Variants in EHBP1 observed in about 807,000 individuals in gnomAD.
The protein encoded by EHBP1 is EH domain binding protein 1.
In EHBP1, 55 loss-of-function variants were observed where a neutral mutation model predicts 144.0. That is an observed-to-expected ratio of 0.38 (90% CI 0.31 to 0.48). The LOEUF is 0.48. EHBP1 is among the 20% of genes least tolerant of loss of function. The probability of loss-of-function intolerance (pLI) is 0.98; values close to 1 mark genes in which losing one functional copy is unlikely to be tolerated. For missense variants in EHBP1, 1,200 were observed against 1,364.2 expected, an observed-to-expected ratio of 0.88 and a Z score of 1.90; for synonymous variants, 469 against 472.7, an observed-to-expected ratio of 0.99 and a Z score of 0.10.
At chr2:63,020,065 C>A (rs2060662823) in intron 19 of EHBP1, among the ~76,000 whole-genome samples, 1 of 151,902 alleles carries the variant, frequency 6.6e-6, no homozygotes, top group Admixed American at 6.6e-5. Flanking sequence ...GTGGCTCATG[C>A]CTGTAATTCT....
intron 19 of EHBP1, among the ~76,000 whole-genome samples, chr2:63,035,625 A>G (rs1320693720): frequency 6.6e-6 from 1 of 152,058 alleles, no homozygotes; most frequent in Non-Finnish European, 1.5e-5. Context: ...TAATAAGTCT[A>G]TATTTTTAGA....
At chr2:62,943,902 C>A in intron 12 of EHBP1, 52 bp downstream of exon 12, 3 of 1,379,250 alleles carry the variant, frequency 2.2e-6, no homozygotes, top group Non-Finnish European at 3.1e-6. Context: ...GGCTTCTCTG[C>A]AGGTCTTTAT....
At chr2:63,020,612 G>C (rs922792468) in intron 19 of EHBP1, among the ~76,000 whole-genome samples, 2 of 151,964 alleles carry the variant, frequency 1.3e-5, no homozygotes, top group East Asian at 1.9e-4. Flanking sequence ...CACTCAATAC[G>C]ATAGTAGCTA....
At chr2:63,018,236 T>G (rs1388170532) in intron 19 of EHBP1, among the ~76,000 whole-genome samples, 2 of 152,340 alleles carry the variant, frequency 1.3e-5, no homozygotes, top group Non-Finnish European at 2.9e-5. Flanking sequence ...TTTTTCTACT[T>G]TCAATTTTAA....
At chr2:62,879,863 A>G (rs1381243644) in intron 10 of EHBP1, among the ~76,000 whole-genome samples, 1 of 152,170 alleles carries the variant, frequency 6.6e-6, no homozygotes, top group African/African-American at 2.4e-5. Flanking sequence ...AAACTATTCC[A>G]AAATTCATAT....
rs576621093 is a variant in EHBP1 at position 62,763,421 on chromosome 2, A to T, written c.163-845A>T. Reference sequence around the variant, plus strand: ...ATGAATGAATGAATAATAGAAGAACATCATAAGGTTCTTATGTAGATTAAA... The same window carrying T: ...ATGAATGAATGAATAATAGAAGAACTTCATAAGGTTCTTATGTAGATTAAA... On this transcript the variant is annotated intron_variant, in intron 3 of 22. Coordinates refer to ENST00000431489, the MANE Select transcript of EHBP1 (RefSeq NM_001142616.3). 7.2e-5 allele frequency among the ~76,000 whole-genome samples: 11 copies of T among 152,334 alleles called. No homozygotes were observed. In the South Asian group the frequency reaches 2.3e-3, roughly 32 times the overall value.
intron 10 of EHBP1, among the ~76,000 whole-genome samples, chr2:62,911,645 A>G (rs970669751): frequency 3.3e-5 from 5 of 152,098 alleles, no homozygotes; most frequent in African/African-American, 1.2e-4. Flanking sequence ...TATTTTTCAT[A>G]GAGACAGGGT....
chr2:62,886,262 A>T lies in EHBP1; in HGVS notation c.1185+11730A>T, dbSNP rs571717294. Reference sequence around the variant, plus strand: ...AATCAATGTGTTAATTTCCTATCATATGTAAATTGAAAATGTCAAACCTTT... The same window carrying T: ...AATCAATGTGTTAATTTCCTATCATTTGTAAATTGAAAATGTCAAACCTTT... On this transcript the variant is annotated intron_variant, in intron 10 of 22. Transcript: ENST00000431489. Among the ~76,000 whole-genome samples, 11 of 152,350 alleles carry T rather than the reference A, an allele frequency of 7.2e-5. No individual in the cohort carries two copies. The South Asian group carries it at 2.3e-3, about 32-fold the overall frequency.
intron 19 of EHBP1, among the ~76,000 whole-genome samples, chr2:63,013,817 A>G (rs903031192): frequency 6.6e-6 from 1 of 152,228 alleles, no homozygotes; most frequent in African/African-American, 2.4e-5. Flanking sequence ...GGGGTTGGGT[A>G]TGAACTTTTT....
chr2:62,733,960 TG>T (rs2037861698), intron 2 of EHBP1, among the ~76,000 whole-genome samples: 1 of 152,190 alleles, frequency 6.6e-6, no homozygotes, highest in Non-Finnish European at 1.5e-5. Flanking sequence ...ACTCCAGTTT[TG>T]GGGGTAGTGA....
At chr2:62,675,040 T>G (rs2033235555) in intron 1 of EHBP1, among the ~76,000 whole-genome samples, 2 of 152,134 alleles carry the variant, frequency 1.3e-5, no homozygotes, top group Non-Finnish European at 2.9e-5. Flanking sequence ...TTCAGTGGGA[T>G]GGAGAGAACT....
intron 8 of EHBP1, among the ~76,000 whole-genome samples, chr2:62,859,723 T>G (rs2049354028): frequency 6.6e-6 from 1 of 152,162 alleles, no homozygotes; most frequent in Admixed American, 6.5e-5. Flanking sequence ...TGTGAAAACA[T>G]GGAGCAGAGA....
chr2:63,043,758 T>C (rs1559110068), intron 21 of EHBP1, among the ~76,000 whole-genome samples: 1 of 151,620 alleles, frequency 6.6e-6, no homozygotes, highest in Non-Finnish European at 1.5e-5. Context: ...GCGGTGTGCA[T>C]TGTTAGGTTT....
At chr2:63,025,685 G>C (rs1427931088) in intron 19 of EHBP1, among the ~76,000 whole-genome samples, 1 of 152,154 alleles carries the variant, frequency 6.6e-6, no homozygotes, top group African/African-American at 2.4e-5. Context: ...GGGGTACCAT[G>C]ATATTCTTCA....
In EHBP1 at chr2:62,948,252, C is replaced by G; in HGVS notation, c.1414-8C>G. The G allele has an allele frequency of 6.5e-7, 1 of 1,533,700 alleles. No individual in the cohort carries two copies. The highest frequency in any genetic ancestry group is 8.8e-7 in the Non-Finnish European group (1 of 1,142,598). On this transcript the variant is annotated splice_region_variant and splice_polypyrimidine_tract_variant and intron_variant, in intron 12 of 22. Coordinates refer to ENST00000431489, the MANE Select transcript of EHBP1 (RefSeq NM_001142616.3). ...TCAATATATCTTTTGTTTTTCCTTC[C>G]TTTGAAGGCATACGATGGATTTGCC...
At chr2:62,814,863 C>T (rs915865933) in intron 5 of EHBP1, among the ~76,000 whole-genome samples, 2 of 152,116 alleles carry the variant, frequency 1.3e-5, no homozygotes, top group African/African-American at 4.8e-5. Flanking sequence ...TAAAAATGCT[C>T]AGTTCTGTTC....
At chr2:62,877,414 C>T (rs567237763) in intron 10 of EHBP1, among the ~76,000 whole-genome samples, 1 of 152,244 alleles carries the variant, frequency 6.6e-6, no homozygotes, top group African/African-American at 2.4e-5. Context: ...GCCTTCAACA[C>T]CCCACTGACA....
chr2:62,712,364 A>T (rs537606348), intron 2 of EHBP1, among the ~76,000 whole-genome samples: 1 of 152,284 alleles, frequency 6.6e-6, no homozygotes, highest in South Asian at 2.1e-4. Context: ...AGAACTGAGG[A>T]GATGAGGTAT....
chr2:63,045,801 G>A lies in EHBP1; in HGVS notation c.*301G>A, dbSNP rs529107036. The A allele has an allele frequency of 8.2e-5, 18 of 220,360 alleles. No individual in the cohort carries two copies. The highest frequency in any genetic ancestry group is 6.0e-4 in the Admixed American group (11 of 18,388). 13.7% of individuals were successfully genotyped at this position (220,360 alleles called of 1,614,324 possible). On this transcript the variant is annotated 3_prime_UTR_variant, in exon 23 of 23. Coordinates refer to ENST00000431489, the MANE Select transcript of EHBP1 (RefSeq NM_001142616.3). This position sits in a 1 kb window ranked among gnomAD's most constrained non-coding sequence, Gnocchi z 5.7. ...ATTGGAGGTGTTCAAGAAACTGTTC[G>A]AAAAAGAACAAAAACACTTCCCTCG...
Sources: allele counts gnomAD v4.1 joint callset (sites outside exome capture counted in the v4.1 genomes callset), GRCh38; gene constraint gnomAD v4.1.1; non-coding constraint Gnocchi (gnomAD v3.1); transcripts MANE v1.5; gene names NCBI Gene and HGNC (gene_info 2026-07-23, HGNC 2026-07-21).